WASHC5: variants seen among roughly 807,000 people sequenced by gnomAD.
The protein encoded by WASHC5 is WASH complex subunit strumpellin.
Under a neutral mutation model 150.4 loss-of-function variants are expected in WASHC5, and 101 were observed. The ratio of observed to expected loss-of-function variants is 0.67; its 90% confidence interval spans 0.57 to 0.79. The LOEUF is 0.79. Among genes scored for constraint, WASHC5 ranks in the 30% least tolerant of loss-of-function variants. The pLI, the probability that WASHC5 is intolerant of heterozygous loss-of-function variation, is 0.00. For synonymous variants in WASHC5, 467 were observed against 491.2 expected (o/e 0.95, Z 0.65); for missense variants, 1,195 against 1,396.3 (o/e 0.86, Z 2.30).
At chr8:125,067,871 T>C in intron 9 of WASHC5, 152 bp from the exon 10 acceptor site, 1 of 779,110 alleles carries the variant, frequency 1.3e-6, no homozygotes, top group Non-Finnish European at 2.1e-6. Flanking sequence ...ATAGTACATC[T>C]ATGCCATGGA....
intron 18 of WASHC5, among the ~76,000 whole-genome samples, chr8:125,049,798 G>A (rs553620434): frequency 1.3e-5 from 2 of 152,184 alleles, no homozygotes; most frequent in South Asian, 2.1e-4. Context: ...TCGAGATTGT[G>A]CCACTGCACT....
chr8:125,063,483 A>G (rs201069817), intron 11 of WASHC5, 39 bp downstream of exon 11: 14 of 1,609,442 alleles, frequency 8.7e-6, no homozygotes, highest in Non-Finnish European at 1.2e-5. Context: ...ACCTGTGCAC[A>G]CATTCCAAAC....
Position 125,024,462 on chromosome 8 carries a change from T to A in WASHC5, c.*155A>T. On this transcript the variant is annotated 3_prime_UTR_variant, in exon 29 of 29. Transcript: ENST00000318410. ...ATATCAGTTATATTAACTAATGCCA[T>A]GAGATATATCTTACTCAGAACGTCT... 1 of 684,808 alleles carries A rather than the reference T, an allele frequency of 1.5e-6. No homozygotes were observed. Among genetic ancestry groups the A allele is most frequent in the Non-Finnish European group, 2.7e-6 (1 of 371,834 alleles). 42.4% of individuals were successfully genotyped at this position (684,808 alleles called of 1,614,324 possible). A position where few individuals can be genotyped will look rare whatever the true frequency, so the allele number is the denominator to read the frequency against.
Position 125,073,323 on chromosome 8 carries a change from G to C in WASHC5, c.980C>G (p.Ala327Gly). Residue 327 changes from alanine to glycine, a missense_variant and splice_region_variant, in exon 9 of 29, where the codon GCA becomes GGA. Around this residue, in one of 3 missense-constraint regions of WASHC5, gnomAD observed 997 missense variants for 1,168.1 expected, o/e 0.85. Transcript: ENST00000318410. ...TLDLSNVREQ[A>G]SRYATVSERV... ...TTCACTGACAGTAGCATATCTGCTT[G>C]CCTTGACAAATAAGAAACTTGAATT... 1 of 1,612,836 alleles carries C rather than the reference G, an allele frequency of 6.2e-7. No homozygotes were observed. Among genetic ancestry groups the C allele is most frequent in the Non-Finnish European group, 8.5e-7 (1 of 1,178,956 alleles).
chr8:125,076,817 A>G (rs150185048), intron 6 of WASHC5, among the ~76,000 whole-genome samples: 4 of 148,646 alleles, frequency 2.7e-5, no homozygotes, highest in Non-Finnish European at 5.9e-5. Flanking sequence ...CCTGTTGGAG[A>G]CAACCCTTAG....
chr8:125,066,927 G>C (rs988344302), intron 10 of WASHC5, among the ~76,000 whole-genome samples: 1 of 152,240 alleles, frequency 6.6e-6, no homozygotes, highest in East Asian at 1.9e-4. Flanking sequence ...CTACCAGGAT[G>C]CAACAGGATA....
At position 125,049,117 on chromosome 8, in the gene WASHC5, T is replaced by C. The variant is rs1816160920; in HGVS notation, c.2268A>G (p.Glu756=). 2 of 1,614,120 alleles carry C rather than the reference T, an allele frequency of 1.2e-6. No individual in the cohort carries two copies. Among genetic ancestry groups the C allele is most frequent in the Non-Finnish European group, 1.7e-6 (2 of 1,179,990 alleles). The change falls in exon 19 of 29, where the codon GAA becomes GAG. Residue 756 remains glutamate (E), a synonymous_variant. Coordinates refer to ENST00000318410, the MANE Select transcript of WASHC5 (RefSeq NM_014846.4). ...ATMDGFHRSF[E]YIQDYVNIYG... ...AAATGTTGACATAGTCCTGTATGTATTCAAAAGAACGATGGAATCCATCCA... is the reference window on the plus strand; with the variant it reads ...AAATGTTGACATAGTCCTGTATGTACTCAAAAGAACGATGGAATCCATCCA...
At chr8:125,034,919 T>C (rs775130439) in intron 26 of WASHC5, among the ~76,000 whole-genome samples, 74 of 152,364 alleles carry the variant, frequency 4.9e-4, no homozygotes, top group Middle Eastern at 3.4e-3. Flanking sequence ...AAGCCAGGTA[T>C]GCATTTCATA....
intron 28 of WASHC5, among the ~76,000 whole-genome samples, chr8:125,026,596 G>A (rs1470001077): frequency 1.3e-5 from 2 of 152,146 alleles, no homozygotes; most frequent in Admixed American, 6.5e-5. Flanking sequence ...CATAGGAGAT[G>A]TAAAGGGGAC....
intron 14 of WASHC5, among the ~76,000 whole-genome samples, chr8:125,058,266 G>C (rs1357871341): frequency 1.3e-5 from 2 of 152,104 alleles, no homozygotes; most frequent in African/African-American, 4.8e-5. Context: ...AATTGTAGTA[G>C]CTAGGCGCAG....
Position 125,059,539 on chromosome 8 carries a change from G to T in WASHC5, c.1525C>A (p.Gln509Lys). The T allele has an allele frequency of 1.2e-6, 2 of 1,611,798 alleles. No homozygotes were observed. Among genetic ancestry groups the T allele is most frequent in the South Asian group, 2.2e-5 (2 of 91,006 alleles). Residue 509 changes from glutamine (Q) to lysine (K), a missense_variant, in exon 13 of 29, where the codon CAA becomes AAA. This residue lies in a region of WASHC5 where 997 missense variants were observed against 1,168.1 expected (regional missense o/e 0.85). Coordinates refer to ENST00000318410, the MANE Select transcript of WASHC5 (RefSeq NM_014846.4). ...TTGGATTCCAACTGGTGGAATTCTT[G>T]AACCTGTGTTACAGAAATATACTTA... The part of the protein sequence containing the change: ...VQLIQALEEV[Q>K]EFHQLESNLQ...
intron 24 of WASHC5, among the ~76,000 whole-genome samples, 157 bp downstream of exon 24, chr8:125,039,638 C>T (rs530862594): frequency 6.6e-6 from 1 of 152,210 alleles, no homozygotes; most frequent in Admixed American, 6.5e-5. Flanking sequence ...AGGAAAGAGG[C>T]TCCGAAGACA....
In WASHC5 at chr8:125,082,446, T is replaced by C; in HGVS notation, c.354A>G (p.Glu118=). The change falls in exon 4 of 29, where the codon GAA becomes GAG. Residue 118 remains glutamate (E), a synonymous_variant. Transcript: ENST00000318410. ...DLNRYLDDLN[E]GVYIQQTLET... is the part of the protein sequence containing the mutation. ...CTAAGGTTTGCTGAATATAAACCCC[T>C]TCATTGAGATCATCTAGATATCTAG... 6.3e-7 allele frequency: 1 copy of C among 1,580,638 alleles called. No individual in the cohort carries two copies. The highest frequency in any genetic ancestry group is 8.7e-7 in the Non-Finnish European group (1 of 1,150,090).
Position 125,028,742 on chromosome 8 carries a change from T to C in WASHC5, c.3336-35A>G, listed in dbSNP as rs544232703. The C allele has an allele frequency of 4.9e-6, 7 of 1,417,182 alleles. No homozygotes were observed. In the East Asian group the frequency reaches 1.6e-4, roughly 32 times the overall value. 87.8% of individuals were successfully genotyped at this position (1,417,182 alleles called of 1,614,324 possible). ...AGAACAGTTTAGATCAATTAACTGC[T>C]TTGCACATCATAAGCCCTTTTGGTC... On this transcript the variant is annotated intron_variant, in intron 27 of 28. Transcript: ENST00000318410.
chr8:125,067,895 G>A (rs1816796050), intron 9 of WASHC5, among the ~76,000 whole-genome samples, 176 bp from the exon 10 acceptor site: 1 of 152,228 alleles, frequency 6.6e-6, no homozygotes, highest in Non-Finnish European at 1.5e-5. Flanking sequence ...CAATTAAACT[G>A]TTAAATGACA....
chr8:125,076,899 C>G (rs943985266), intron 6 of WASHC5, among the ~76,000 whole-genome samples: 1 of 152,058 alleles, frequency 6.6e-6, no homozygotes, highest in African/African-American at 2.4e-5. Context: ...GAAATTCGAC[C>G]TCCATCATCA....
intron 20 of WASHC5, chr8:125,045,036 C>T: frequency 6.3e-6 from 2 of 315,698 alleles, no homozygotes; most frequent in Non-Finnish European, 1.2e-5. Flanking sequence ...CCATTTGTCT[C>T]TCTATGCAGC....
intron 17 of WASHC5, among the ~76,000 whole-genome samples, chr8:125,051,362 T>C (rs1238606786): frequency 6.6e-6 from 1 of 152,248 alleles, no homozygotes; most frequent in East Asian, 1.9e-4. Context: ...TCTTTTACTT[T>C]TAATTTGTAA....
chr8:125,073,447 C>A, intron 8 of WASHC5, 123 bp from the exon 9 acceptor site: 1 of 836,734 alleles, frequency 1.2e-6, no homozygotes, highest in Non-Finnish European at 2.0e-6. Context: ...ATATGGATTA[C>A]AGTTATAGGG....
Sources: allele counts gnomAD v4.1 joint callset (sites outside exome capture counted in the v4.1 genomes callset), GRCh38; gene constraint gnomAD v4.1.1; regional missense constraint gnomAD v4.1.1; transcripts MANE v1.5; gene names NCBI Gene and HGNC (gene_info 2026-07-23, HGNC 2026-07-21).